RAB3GAP2: variants seen among roughly 807,000 people sequenced by gnomAD.
RAB3GAP2 encodes rab3 GTPase-activating protein non-catalytic subunit.
RAB3GAP2 carries 87 observed loss-of-function variants against 185.3 expected under a neutral mutation model. The ratio of observed to expected loss-of-function variants is 0.47; its 90% CI spans 0.39 to 0.56. The LOEUF (loss-of-function observed/expected upper bound fraction) is 0.56, where lower values mean the gene tolerates loss of function less well. RAB3GAP2 is among the 20% of genes least tolerant of loss of function. RAB3GAP2 has a pLI of 0.00. For synonymous variants in RAB3GAP2, 554 were observed against 576.1 expected (o/e 0.96, Z 0.55); for missense variants, 1,492 against 1,638.2 (o/e 0.91, Z 1.54).
chr1:220,246,017 A>T (rs1211323603), intron 1 of RAB3GAP2, among the ~76,000 whole-genome samples: 1 of 152,164 alleles, frequency 6.6e-6, no homozygotes, highest in Non-Finnish European at 1.5e-5. Context: ...AATTTTCGCA[A>T]CCTACCCATC....
intron 10 of RAB3GAP2, 138 bp downstream of exon 10, chr1:220,196,112 A>C (rs1045491957): frequency 4.3e-5 from 41 of 945,966 alleles, no homozygotes; most frequent in Non-Finnish European, 5.7e-5. Context: ...GCTAGTTGAG[A>C]TTAATTTTAG....
At chr1:220,238,927 C>A (rs538075891) in intron 1 of RAB3GAP2, among the ~76,000 whole-genome samples, 1 of 152,144 alleles carries the variant, frequency 6.6e-6, no homozygotes, top group Non-Finnish European at 1.5e-5. Context: ...GGGCAGAGAA[C>A]GTGTATCCTG....
intron 2 of RAB3GAP2, among the ~76,000 whole-genome samples, chr1:220,229,800 T>G (rs1659465642): frequency 6.6e-6 from 1 of 152,198 alleles, no homozygotes; most frequent in African/African-American, 2.4e-5. Context: ...TCTTCTGAAA[T>G]TATAAATGCA....
At position 220,202,198 on chromosome 1, in the gene RAB3GAP2, C is replaced by T. The variant is rs530302039; in HGVS notation, c.811+78G>A. 102 of 1,434,396 alleles carry T rather than the reference C, an allele frequency of 7.1e-5. No homozygotes were observed. In the South Asian group the frequency reaches 1.2e-3, roughly 17 times the overall value. The allele number at this position is 1,434,396 out of a possible 1,614,324, so 88.9% of individuals were successfully genotyped here. On this transcript the variant is annotated intron_variant, in intron 9 of 34. Coordinates refer to ENST00000358951, the MANE Select transcript of RAB3GAP2 (RefSeq NM_012414.4). ...ATAATAATAAATAAAGAATAAATGC[C>T]CATTTCTAATAAATGAGATACTTCA...
Position 220,171,024 on chromosome 1 carries a change from G to T in RAB3GAP2, c.2674C>A (p.Gln892Lys), listed in dbSNP as rs1003522892. The T allele has an allele frequency of 2.5e-6, 4 of 1,614,008 alleles. No homozygotes were observed. In the African/African-American group the frequency reaches 5.3e-5, roughly 22 times the overall value. ...DTEYWKLLLK[Q>K]LEDCLILQTL... is the part of the protein sequence containing the mutation. ...TGAAGTATGAGACAATCCTCCAGCT[G>T]TTTCAGAAGGAGTTTCCAGTACTCA... is the stretch of plus-strand genomic sequence containing the variant. Residue 892 changes from glutamine to lysine, a missense_variant, in exon 24 of 35, where the codon CAG (glutamine) becomes AAG (lysine). Around this residue, in one of 5 missense-constraint regions of RAB3GAP2, gnomAD observed 681 missense variants for 689.1 expected, o/e 0.99. Transcript: ENST00000358951.
At chr1:220,266,255 G>A (rs558281028) in intron 1 of RAB3GAP2, 13 of 214,858 alleles carry the variant, frequency 6.1e-5, no homozygotes, top group African/African-American at 1.1e-4. Context: ...AAAGAATCAC[G>A]TACTCAGTCC....
intron 7 of RAB3GAP2, 35 bp from the exon 8 acceptor site, chr1:220,206,041 A>C: frequency 7.6e-7 from 1 of 1,316,226 alleles, no homozygotes; most frequent in Non-Finnish European, 1.1e-6. Flanking sequence ...GTTCTTGAAT[A>C]GATAAATAAG....
Position 220,272,309 on chromosome 1 carries a change from T to G in RAB3GAP2, c.29A>C (p.Tyr10Ser). Residue 10 changes from tyrosine (Y) to serine (S), a missense_variant, in exon 1 of 35, where the codon TAC becomes TCC. Tyr to Ser is a moderately radical substitution (Grantham distance 144, BLOSUM62 -2). Coordinates refer to ENST00000358951, the MANE Select transcript of RAB3GAP2 (RefSeq NM_012414.4). Reference protein sequence around the residue: MACSIVQFCYFQDLQAARDF... With the variant: MACSIVQFCSFQDLQAARDF... ...CCGGGCGGCCTGGAGGTCCTGGAAG[T>G]AGCAGAACTGGACAATGGAGCAGGC... The G allele has an allele frequency of 1.2e-6, 2 of 1,612,106 alleles. No individual in the cohort carries two copies. Among genetic ancestry groups the G allele is most frequent in the Non-Finnish European group, 1.7e-6 (2 of 1,179,466 alleles).
chr1:220,164,273 C>T (rs1477593426), intron 27 of RAB3GAP2, among the ~76,000 whole-genome samples: 1 of 151,950 alleles, frequency 6.6e-6, no homozygotes, highest in African/African-American at 2.4e-5. Flanking sequence ...GGCAGCTGTT[C>T]TGCATCTATC....
At chr1:220,231,070 C>T (rs974181676) in intron 2 of RAB3GAP2, among the ~76,000 whole-genome samples, 3 of 152,230 alleles carry the variant, frequency 2.0e-5, no homozygotes, top group Admixed American at 1.3e-4. Context: ...CATAGAGCAG[C>T]CAAGGTGAGC....
At chr1:220,248,256 G>C (rs1009896535) in intron 1 of RAB3GAP2, among the ~76,000 whole-genome samples, 1 of 152,156 alleles carries the variant, frequency 6.6e-6, no homozygotes, top group Non-Finnish European at 1.5e-5. Context: ...AAAGTTTTCA[G>C]TTACAAGATG....
rs1458070466 is a variant in RAB3GAP2, at chr1:220,182,776, T to C, written c.2154A>G (p.Glu718=). 1 of 1,612,804 alleles carries C rather than the reference T, an allele frequency of 6.2e-7. No individual in the cohort carries two copies. Among genetic ancestry groups the C allele is most frequent in the Admixed American group, 1.7e-5 (1 of 59,992 alleles). The change falls in exon 20 of 35, where the codon GAA becomes GAG. Residue 718 remains glutamate, a synonymous_variant. Coordinates refer to ENST00000358951, the MANE Select transcript of RAB3GAP2 (RefSeq NM_012414.4). The part of the protein sequence containing the change: ...LPVKTFLEYL[E]YEKDVLNIKK... ...TTATGTTGAGCACATCCTTTTCATA[T>C]TCTAAATATTCCAAGAATGTTTTTA...
intron 1 of RAB3GAP2, among the ~76,000 whole-genome samples, chr1:220,250,043 C>T (rs1021954367): frequency 9.9e-5 from 15 of 152,196 alleles, no homozygotes; most frequent in African/African-American, 3.6e-4. Flanking sequence ...CCCACTAGGG[C>T]ACTGTGGAGC....
intron 2 of RAB3GAP2, among the ~76,000 whole-genome samples, chr1:220,215,711 T>A (rs1347926391): frequency 6.6e-6 from 1 of 152,112 alleles, no homozygotes; most frequent in African/African-American, 2.4e-5. Context: ...CATGTAGAAA[T>A]TTTTTATTGT....
At chr1:220,212,782 T>C (rs959234053) in intron 4 of RAB3GAP2, 105 bp downstream of exon 4, 3 of 958,258 alleles carry the variant, frequency 3.1e-6, no homozygotes, top group South Asian at 1.4e-5. Context: ...TGTGAACCAC[T>C]GCACCCAATC....
chr1:220,176,601 A>C (rs1658294540), intron 21 of RAB3GAP2, among the ~76,000 whole-genome samples: 1 of 152,160 alleles, frequency 6.6e-6, no homozygotes, highest in Non-Finnish European at 1.5e-5. Context: ...GTGGGCTGGA[A>C]AGTAGCCTTG....
intron 10 of RAB3GAP2, among the ~76,000 whole-genome samples, chr1:220,195,660 G>A (rs767594977): frequency 3.9e-4 from 59 of 152,064 alleles, no homozygotes; most frequent in Non-Finnish European, 7.8e-4. Context: ...AGGACATTAA[G>A]ATTACATTAT....
At chr1:220,189,470 C>T (rs976782220) in intron 17 of RAB3GAP2, among the ~76,000 whole-genome samples, 3 of 151,448 alleles carry the variant, frequency 2.0e-5, no homozygotes, top group Non-Finnish European at 4.4e-5. Flanking sequence ...CCCCCTGCCT[C>T]GGCCTCCCAA....
intron 19 of RAB3GAP2, among the ~76,000 whole-genome samples, chr1:220,183,359 C>T (rs997886730): frequency 1.3e-4 from 20 of 152,062 alleles, no homozygotes; most frequent in African/African-American, 4.8e-4. Flanking sequence ...AGCAATCCTC[C>T]TGCCTCAGCC....
Sources: allele counts gnomAD v4.1 joint callset (sites outside exome capture counted in the v4.1 genomes callset), GRCh38; gene constraint gnomAD v4.1.1; regional missense constraint gnomAD v4.1.1; transcripts MANE v1.5; gene names NCBI Gene and HGNC (gene_info 2026-07-23, HGNC 2026-07-21).